SLC2A13: variants seen among roughly 807,000 people sequenced by gnomAD.
The protein encoded by SLC2A13 is proton myo-inositol cotransporter.
Under a neutral mutation model 64.4 loss-of-function variants are expected in SLC2A13, and 32 were observed. The ratio of observed to expected loss-of-function variants is 0.50; its 90% confidence interval spans 0.37 to 0.67. SLC2A13 has a LOEUF of 0.67. SLC2A13 is among the 30% of genes least tolerant of loss of function. The pLI is 0.00. For missense variants in SLC2A13, 743 were observed against 829.2 expected (o/e 0.90, Z 1.28); for synonymous variants, 338 against 327.1 (o/e 1.03, Z -0.36).
intron 7 of SLC2A13, among the ~76,000 whole-genome samples, chr12:39,810,897 C>A (rs1205365206): frequency 6.6e-6 from 1 of 152,104 alleles, no homozygotes; most frequent in South Asian, 2.1e-4. Flanking sequence ...TTCTTTCTTG[C>A]AGTTTCTGGA....
rs370076421 is a variant in SLC2A13 at position 40,081,314 on chromosome 12, C to G, written c.556+23939G>C. ...AAACGTTTTCCAAGTTGCTTGCTCT[C>G]TCTGTCTTTCTCGAATGTAAATGAG... On this transcript the variant is annotated intron_variant, in intron 1 of 9. Transcript: ENST00000280871. 1.6e-4 allele frequency among the ~76,000 whole-genome samples: 23 copies of G among 143,364 alleles called. No individual in the cohort carries two copies. The East Asian group carries it at 4.4e-3, about 28-fold the overall frequency. 94.1% of individuals were successfully genotyped at this position (143,364 alleles called of 152,430 possible). A position where few individuals can be genotyped will look rare whatever the true frequency, so the allele number is the denominator to read the frequency against.
At chr12:40,102,923 T>A (rs545747484) in intron 1 of SLC2A13, among the ~76,000 whole-genome samples, 18 of 152,380 alleles carry the variant, frequency 1.2e-4, no homozygotes, top group African/African-American at 4.1e-4. Flanking sequence ...CTGTTTTGTT[T>A]TGAATGCGGC....
chr12:39,925,053 T>C (rs111597197), intron 4 of SLC2A13, among the ~76,000 whole-genome samples: 27,478 of 127,938 alleles, frequency 0.21, 3,174 homozygotes, highest in African/African-American at 0.37. Flanking sequence ...TTTTTTTTTT[T>C]GAGGAAGAGT....
intron 4 of SLC2A13, among the ~76,000 whole-genome samples, chr12:39,948,157 G>A (rs540702466): frequency 4.5e-4 from 68 of 152,110 alleles, no homozygotes; most frequent in African/African-American, 1.6e-3. Flanking sequence ...CAATTCAGTT[G>A]CATGTTGAAA....
chr12:40,077,436 G>A (rs147892235), intron 1 of SLC2A13, among the ~76,000 whole-genome samples: 62 of 151,986 alleles, frequency 4.1e-4, no homozygotes, highest in African/African-American at 1.2e-3. Flanking sequence ...TGTTATTGTC[G>A]ACTTTGTCAA....
chr12:40,076,019 T>C (rs1246549879), intron 1 of SLC2A13, among the ~76,000 whole-genome samples: 1 of 152,210 alleles, frequency 6.6e-6, no homozygotes, highest in Non-Finnish European at 1.5e-5. Flanking sequence ...TTTAAAGTTT[T>C]TGTGTGATAA....
intron 2 of SLC2A13, among the ~76,000 whole-genome samples, chr12:40,046,722 C>T (rs1303250890): frequency 6.6e-6 from 1 of 151,872 alleles, no homozygotes; most frequent in African/African-American, 2.4e-5. Context: ...CTGTGTCCTC[C>T]CCTTAATGGT....
intron 1 of SLC2A13, among the ~76,000 whole-genome samples, chr12:40,052,799 G>A (rs925351871): frequency 3.3e-5 from 5 of 151,950 alleles, no homozygotes; most frequent in Admixed American, 1.3e-4. Flanking sequence ...CTGAAACTAC[G>A]GAAATGGATA....
At chr12:39,918,905 T>C (rs1332413046) in intron 4 of SLC2A13, among the ~76,000 whole-genome samples, 1 of 151,198 alleles carries the variant, frequency 6.6e-6, no homozygotes, top group Non-Finnish European at 1.5e-5. Context: ...ACTTGAAGTT[T>C]CCAGTTTCTA....
chr12:39,889,330 A>G (rs1228189848), intron 4 of SLC2A13, among the ~76,000 whole-genome samples: 1 of 152,048 alleles, frequency 6.6e-6, no homozygotes, highest in Admixed American at 6.6e-5. Context: ...GGATTTATAT[A>G]TCTATATATT....
intron 4 of SLC2A13, among the ~76,000 whole-genome samples, chr12:39,948,191 TA>T (rs925827698): frequency 1.5e-4 from 23 of 151,426 alleles, no homozygotes; most frequent in Non-Finnish European, 2.8e-4. Context: ...AGTCATATTA[TA>T]AAAAAAAATT....
At chr12:40,037,615 C>T (rs1472854745) in intron 2 of SLC2A13, among the ~76,000 whole-genome samples, 81 of 139,214 alleles carry the variant, frequency 5.8e-4, no homozygotes, top group Admixed American at 6.0e-4. Context: ...AGAGTGAGAC[C>T]TGGCACTCAG....
chr12:40,081,605 C>A (rs971215325), intron 1 of SLC2A13, among the ~76,000 whole-genome samples: 2 of 152,124 alleles, frequency 1.3e-5, no homozygotes, highest in African/African-American at 4.8e-5. Context: ...TCCTTAGATT[C>A]CCTGGATTCA....
intron 7 of SLC2A13, among the ~76,000 whole-genome samples, chr12:39,784,459 A>T (rs963104620): frequency 2.6e-5 from 4 of 152,218 alleles, no homozygotes; most frequent in African/African-American, 9.7e-5. Context: ...AACCTGACGA[A>T]AGCAAGAAAT....
At chr12:39,920,359 A>G (rs1945594567) in intron 4 of SLC2A13, among the ~76,000 whole-genome samples, 3 of 152,118 alleles carry the variant, frequency 2.0e-5, no homozygotes, top group South Asian at 4.1e-4. Context: ...AAATGCTGGA[A>G]AAAACTGAGT....
rs374878121 is a variant in SLC2A13 at position 40,017,541 on chromosome 12, A to G, written c.925+10760T>C. On this transcript the variant is annotated intron_variant, in intron 3 of 9. Transcript: ENST00000280871. ...CATTTTAACATTCACAAAAGGTATCATCTTGCTTTGACTGCAATTCAAGGC... is the reference window on the plus strand; with the variant it reads ...CATTTTAACATTCACAAAAGGTATCGTCTTGCTTTGACTGCAATTCAAGGC... Among the ~76,000 whole-genome samples the G allele has an allele frequency of 6.6e-5, 10 of 152,306 alleles. No individual in the cohort carries two copies. The East Asian group carries it at 1.7e-3, about 26-fold the overall frequency.
Position 39,758,476 on chromosome 12 carries a change from C to CTGA in SLC2A13, c.*1547_*1549dup, listed in dbSNP as rs1346589981. 6.6e-6 allele frequency: 1 copy of CTGA among 151,908 alleles called. No individual in the cohort carries two copies. Among genetic ancestry groups the CTGA allele is most frequent in the Non-Finnish European group, 1.5e-5 (1 of 67,788 alleles). The allele number at this position is 151,908 out of a possible 1,614,324, so 9.4% of individuals were successfully genotyped here. On this transcript the variant is annotated 3_prime_UTR_variant, in exon 10 of 10. Transcript: ENST00000280871. The stretch of plus-strand genomic sequence containing the variant: ...TAGAGCCATTTAAAAATGCATCAAA[C>CTGA]TGATGTATTCCTAACTGGCCACAGA...
intron 4 of SLC2A13, among the ~76,000 whole-genome samples, chr12:39,890,335 T>C (rs1286969370): frequency 2.6e-5 from 4 of 152,164 alleles, no homozygotes; most frequent in African/African-American, 7.2e-5. Flanking sequence ...AAAAAATACA[T>C]TGTGGCAGCA....
At chr12:39,878,168 C>T (rs1416781235) in intron 4 of SLC2A13, among the ~76,000 whole-genome samples, 2 of 152,128 alleles carry the variant, frequency 1.3e-5, no homozygotes, top group African/African-American at 4.8e-5. Flanking sequence ...CATAAATTAC[C>T]AACTCTCAGG....
Sources: gnomAD v4.1 joint callset for allele counts (sites outside exome capture counted in the v4.1 genomes callset) on GRCh38, gnomAD v4.1.1 for gene constraint, MANE v1.5 for transcripts, NCBI Gene and HGNC (gene_info 2026-07-23, HGNC 2026-07-21) for gene names.